The following GTF2H3 variants were observed in gnomAD, a reference collection of about 807,000 sequenced individuals.
GTF2H3 encodes general transcription factor IIH subunit 3.
GTF2H3 carries 42 observed loss-of-function variants against 51.1 expected under a neutral mutation model. The observed-to-expected ratio is 0.82, with a 90% confidence interval of 0.64 to 1.06. The LOEUF (loss-of-function observed/expected upper bound fraction) is 1.06. Ranked by LOEUF, GTF2H3 falls within the 50% of genes least tolerant of loss-of-function variation. The pLI, the probability that GTF2H3 is intolerant of heterozygous loss-of-function variation, is 0.00. For missense variants in GTF2H3, 326 were observed against 366.1 expected, an observed-to-expected ratio of 0.89 and a Z score of 0.89; for synonymous variants, 123 against 123.8, an observed-to-expected ratio of 0.99 and a Z score of 0.04.
intron 1 of GTF2H3, among the ~76,000 whole-genome samples, chr12:123,639,056 A>G (rs1313643723): frequency 6.6e-6 from 1 of 152,108 alleles, no homozygotes; most frequent in Non-Finnish European, 1.5e-5. Context: ...CGGCCTCCCA[A>G]AGTGCTGGGG....
chr12:123,646,985 A>G (rs935944231), intron 3 of GTF2H3, among the ~76,000 whole-genome samples: 2 of 151,374 alleles, frequency 1.3e-5, no homozygotes, highest in African/African-American at 4.9e-5. Context: ...CCCCGTTTCT[A>G]CTAAAAATAC....
At chr12:123,651,078 T>A in intron 5 of GTF2H3, 22 bp downstream of exon 5, 1 of 1,566,322 alleles carries the variant, frequency 6.4e-7, no homozygotes, top group Non-Finnish European at 8.8e-7. Context: ...GTCTGAATCA[T>A]TTAGAAGGTG....
chr12:123,644,547 T>TC (rs547156947), intron 2 of GTF2H3, among the ~76,000 whole-genome samples: 178 of 151,896 alleles, frequency 1.2e-3, no homozygotes, highest in African/African-American at 4.2e-3. Flanking sequence ...AGGCCTGTAG[T>TC]CCCAGCTGCT....
Position 123,660,324 on chromosome 12 carries a change from G to A in GTF2H3, c.*89G>A, listed in dbSNP as rs1005167557. 3.3e-6 allele frequency: 3 copies of A among 897,462 alleles called. No individual in the cohort carries two copies. Among genetic ancestry groups the A allele is most frequent in the Non-Finnish European group, 5.2e-6 (3 of 581,424 alleles). The allele number at this position is 897,462 out of a possible 1,614,324, so 55.6% of individuals were successfully genotyped here. On this transcript the variant is annotated 3_prime_UTR_variant, in exon 13 of 13. Transcript: ENST00000543341. The stretch of plus-strand genomic sequence containing the variant: ...GGGAAGACTGAAAAAAATAAAGATA[G>A]GTATAGGATAATTTTTAATATGGTG...
rs906960294 is a variant in GTF2H3 at position 123,635,567 on chromosome 12, C to T, written c.13+1695C>T. ...CAGCTTGGGCGACAGAGCAAGTCTC[C>T]GTCGCAAAAAAAAAAAAAAAAAAAA... On this transcript the variant is annotated intron_variant, in intron 1 of 12. Transcript: ENST00000543341. 2.0e-4 allele frequency among the ~76,000 whole-genome samples: 26 copies of T among 128,126 alleles called. No homozygotes were observed. The East Asian group carries it at 3.3e-3, about 16-fold the overall frequency. 84.1% of individuals were successfully genotyped at this position (128,126 alleles called of 152,430 possible).
rs1000460650 is a variant in GTF2H3 at position 123,640,004 on chromosome 12, G to A, written c.93+661G>A. The stretch of plus-strand genomic sequence containing the variant: ...CTCCCGAGTACTTGGGACTACAGGT[G>A]CGTACCACCATGCTCAGCTAATTGT... On this transcript the variant is annotated intron_variant, in intron 2 of 12. Coordinates refer to ENST00000543341, the MANE Select transcript of GTF2H3 (RefSeq NM_001516.5). 1.1e-5 allele frequency: 5 copies of A among 455,440 alleles called. No individual in the cohort carries two copies. The Admixed American group carries it at 1.2e-4, about 11-fold the overall frequency. The allele number at this position is 455,440 out of a possible 1,614,324, so 28.2% of individuals were successfully genotyped here.
chr12:123,647,691 T>C (rs887056652), intron 3 of GTF2H3, among the ~76,000 whole-genome samples: 6 of 152,186 alleles, frequency 3.9e-5, no homozygotes, highest in Admixed American at 2.0e-4. Flanking sequence ...TTCCCCACAC[T>C]TTTCAGAAAA....
intron 5 of GTF2H3, among the ~76,000 whole-genome samples, chr12:123,652,176 A>G (rs1285434116): frequency 6.6e-6 from 1 of 152,154 alleles, no homozygotes; most frequent in Non-Finnish European, 1.5e-5. Context: ...GTATTGAGTG[A>G]TTATTTTGTC....
intron 1 of GTF2H3, among the ~76,000 whole-genome samples, chr12:123,635,330 G>A (rs1045544460): frequency 9.9e-5 from 15 of 152,152 alleles, no homozygotes; most frequent in African/African-American, 1.7e-4. Context: ...CAGCATTTTG[G>A]AAGGCCAAGG....
At position 123,655,754 on chromosome 12, in the gene GTF2H3, C is replaced by A. The variant is rs766201122; in HGVS notation, c.562-17C>A. On this transcript the variant is annotated splice_polypyrimidine_tract_variant and intron_variant, in intron 8 of 12. Coordinates refer to ENST00000543341, the MANE Select transcript of GTF2H3 (RefSeq NM_001516.5). ...ATTGTTATTATTCCTGTAATATTTT[C>A]AAAATGTTTCTTTTAGAATATTTTG... 4.7e-6 allele frequency: 7 copies of A among 1,489,050 alleles called. No individual in the cohort carries two copies. Among genetic ancestry groups the A allele is most frequent in the East Asian group, 2.3e-5 (1 of 44,242 alleles). The allele number at this position is 1,489,050 out of a possible 1,614,324, so 92.2% of individuals were successfully genotyped here.
intron 7 of GTF2H3, among the ~76,000 whole-genome samples, chr12:123,653,133 C>T (rs560635067): frequency 1.3e-4 from 19 of 151,826 alleles, no homozygotes; most frequent in Non-Finnish European, 1.9e-4. Flanking sequence ...GGAAATAAAA[C>T]GCATTTATAG....
intron 9 of GTF2H3, among the ~76,000 whole-genome samples, chr12:123,658,662 A>G (rs1021590680): frequency 2.0e-5 from 3 of 152,192 alleles, no homozygotes; most frequent in African/African-American, 7.2e-5. Flanking sequence ...AGAGAACAGA[A>G]TAAAGCCATC....
chr12:123,641,738 T>A (rs1241252813), intron 2 of GTF2H3, among the ~76,000 whole-genome samples: 10 of 152,180 alleles, frequency 6.6e-5, no homozygotes. Context: ...TATCATGAAT[T>A]TTTTGGTTCT....
At chr12:123,637,448 A>T (rs1163477364) in intron 1 of GTF2H3, among the ~76,000 whole-genome samples, 1 of 151,814 alleles carries the variant, frequency 6.6e-6, no homozygotes, top group Admixed American at 6.6e-5. Flanking sequence ...AGAGAATAGA[A>T]TTCCTCTTAA....
rs1242237249 is a variant in GTF2H3, at chr12:123,662,514, A to G, written c.*2279A>G. 6.6e-6 allele frequency: 1 copy of G among 152,146 alleles called. No homozygotes were observed. Among genetic ancestry groups the G allele is most frequent in the Non-Finnish European group, 1.5e-5 (1 of 68,014 alleles). The allele number at this position is 152,146 out of a possible 1,614,324, so 9.4% of individuals were successfully genotyped here. On this transcript the variant is annotated 3_prime_UTR_variant, in exon 13 of 13. Coordinates refer to ENST00000543341, the MANE Select transcript of GTF2H3 (RefSeq NM_001516.5). ...TACTTTTTTATTTGAAATATCTTAT[A>G]TATTTGGTTAGTTCTGTTTAACTTG...
chr12:123,651,296 C>T (rs1444132042), intron 5 of GTF2H3: 13 of 327,522 alleles, frequency 4.0e-5, no homozygotes, highest in East Asian at 6.2e-5. Context: ...CTGCAACCTT[C>T]GCCTCCCAGA....
At chr12:123,650,645 C>T (rs1035094353) in intron 4 of GTF2H3, among the ~76,000 whole-genome samples, 7 of 152,020 alleles carry the variant, frequency 4.6e-5, no homozygotes, top group South Asian at 4.1e-4. Flanking sequence ...TGAGTATATT[C>T]GCCTTCTTTT....
intron 2 of GTF2H3, among the ~76,000 whole-genome samples, chr12:123,642,325 C>T (rs937831949): frequency 2.6e-5 from 4 of 152,096 alleles, no homozygotes; most frequent in Non-Finnish European, 4.4e-5. Flanking sequence ...CATGCACCAC[C>T]ACACCCAGCT....
Position 123,652,720 on chromosome 12 carries a change from GA to G in GTF2H3, c.474del (p.Lys158AsnfsTer6). Reference sequence around the variant, plus strand: ...TTCTCTTTGTAGACAATCAGGAAATGAAATCAAGGATATTGGTAAGATAAAA... The same window carrying G: ...TTCTCTTTGTAGACAATCAGGAAATGAATCAAGGATATTGGTAAGATAAAA... ...NKEVKDNQEMKSRILVIKAAE... is the reference protein window; with the variant it reads ...NKEVKDNQEMXSRILVIKAAE... On this transcript the variant is annotated frameshift_variant, in exon 7 of 13. Transcript: ENST00000543341. LOFTEE classifies it high-confidence loss of function. The G allele has an allele frequency of 6.6e-7, 1 of 1,510,354 alleles. No individual in the cohort carries two copies. Among genetic ancestry groups the G allele is most frequent in the Non-Finnish European group, 9.0e-7 (1 of 1,111,894 alleles). The allele number at this position is 1,510,354 out of a possible 1,614,324, so 93.6% of individuals were successfully genotyped here. A position where few individuals can be genotyped will look rare whatever the true frequency, so the allele number is the denominator to read the frequency against.
Sources: gnomAD v4.1 joint callset for allele counts (sites outside exome capture counted in the v4.1 genomes callset) on GRCh38, gnomAD v4.1.1 for gene constraint, MANE v1.5 for transcripts, NCBI Gene and HGNC (gene_info 2026-07-23, HGNC 2026-07-21) for gene names.